RBKS: variants seen among roughly 807,000 people sequenced by gnomAD.
The protein encoded by RBKS is ribokinase.
Under a neutral mutation model 33.9 loss-of-function variants are expected in RBKS, and 33 were observed. The ratio of observed to expected loss-of-function variants is 0.97; its 90% CI spans 0.74 to 1.30. The LOEUF is 1.30. RBKS is among the 50% of genes most tolerant of loss of function. The pLI is 0.00. For synonymous variants in RBKS, 125 were observed against 143.0 expected, an observed-to-expected ratio of 0.87 and a Z score of 0.90; for missense variants, 361 against 392.6, an observed-to-expected ratio of 0.92 and a Z score of 0.68.
chr2:27,836,374 C>G (rs140513202), intron 5 of RBKS, among the ~76,000 whole-genome samples: 1 of 151,994 alleles, frequency 6.6e-6, no homozygotes, highest in South Asian at 2.1e-4. Flanking sequence ...TGGCCATGTG[C>G]GACAAAAACA....
intron 7 of RBKS, among the ~76,000 whole-genome samples, chr2:27,825,712 C>T (rs767375962): frequency 1.3e-5 from 2 of 152,236 alleles, no homozygotes; most frequent in Admixed American, 1.3e-4. Context: ...AGTGACCTGA[C>T]TTGCCTGGAT....
At chr2:27,855,493 A>G (rs985483317) in intron 2 of RBKS, among the ~76,000 whole-genome samples, 6 of 152,202 alleles carry the variant, frequency 3.9e-5, no homozygotes, top group Non-Finnish European at 7.3e-5. Context: ...CCTCTTCTTA[A>G]CATTTGGCTT....
At chr2:27,833,159 C>T (rs1678456155) in intron 5 of RBKS, among the ~76,000 whole-genome samples, 1 of 152,064 alleles carries the variant, frequency 6.6e-6, no homozygotes, top group Admixed American at 6.6e-5. Context: ...ACTTTAAGTG[C>T]TTGGTTTCAA....
chr2:27,843,116 T>A lies in RBKS; in HGVS notation c.465A>T (p.Ile155=), dbSNP rs138100405. ...GGGCTTCCAAAGAAGTTGCTGGAGT[T>A]ATTTCGAGCTGGCAGACCATGACTT... ...RAKVMVCQLE[I]TPATSLEALT... Residue 155 remains isoleucine, a synonymous_variant, in exon 5 of 8, where the codon ATA becomes ATT. Transcript: ENST00000302188. 1.7e-4 allele frequency: 270 copies of A among 1,611,012 alleles called. No individual in the cohort carries two copies. The African/African-American group carries it at 3.3e-3, about 20-fold the overall frequency.
intron 5 of RBKS, 60 bp from the exon 6 acceptor site, chr2:27,832,837 C>T (rs928437569): frequency 3.7e-6 from 4 of 1,088,010 alleles, no homozygotes; most frequent in Middle Eastern, 2.0e-4. Flanking sequence ...GGTGCATTTA[C>T]AGACAACATT....
At chr2:27,875,017 T>C (rs1664284575) in intron 1 of RBKS, among the ~76,000 whole-genome samples, 1 of 152,152 alleles carries the variant, frequency 6.6e-6, no homozygotes, top group African/African-American at 2.4e-5. Flanking sequence ...AACAGAAAAA[T>C]GGACAAAGGA....
At chr2:27,862,254 T>C (rs1446843393) in intron 1 of RBKS, among the ~76,000 whole-genome samples, 2 of 152,124 alleles carry the variant, frequency 1.3e-5, no homozygotes, top group African/African-American at 4.8e-5. Flanking sequence ...CTGGCTGATT[T>C]ATGTTATTTA....
chr2:27,834,668 A>G (rs1224406998), intron 5 of RBKS, among the ~76,000 whole-genome samples: 1 of 152,184 alleles, frequency 6.6e-6, no homozygotes, highest in Admixed American at 6.5e-5. Context: ...AGGTTTTCAG[A>G]ACAATATACT....
intron 2 of RBKS, among the ~76,000 whole-genome samples, chr2:27,854,513 A>C (rs1663812940): frequency 6.6e-6 from 1 of 152,214 alleles, no homozygotes; most frequent in Non-Finnish European, 1.5e-5. Flanking sequence ...TTAGCACAAG[A>C]CACTCCTACT....
At chr2:27,787,570 G>A (rs985845815) in intron 7 of RBKS, among the ~76,000 whole-genome samples, 3 of 152,184 alleles carry the variant, frequency 2.0e-5, no homozygotes, top group Non-Finnish European at 4.4e-5. Flanking sequence ...TACACACTGT[G>A]TTGATAGGGA....
At chr2:27,875,181 C>T (rs138417828) in intron 1 of RBKS, among the ~76,000 whole-genome samples, 3 of 152,288 alleles carry the variant, frequency 2.0e-5, no homozygotes, top group African/African-American at 7.2e-5. Flanking sequence ...CTTTTTCATA[C>T]ACTGTGAGTA....
At chr2:27,782,218 G>C (rs1254371583) in intron 7 of RBKS, among the ~76,000 whole-genome samples, 3 of 151,898 alleles carry the variant, frequency 2.0e-5, no homozygotes, top group Non-Finnish European at 4.4e-5. Flanking sequence ...CTGAAGTGCA[G>C]TGGCACAATC....
intron 1 of RBKS, among the ~76,000 whole-genome samples, chr2:27,878,177 C>T (rs1338170090): frequency 1.3e-5 from 2 of 151,702 alleles, no homozygotes; most frequent in Non-Finnish European, 2.9e-5. Context: ...GCTATCCCTC[C>T]CCCCTGCCCC....
At chr2:27,820,494 A>G (rs1573047377) in intron 7 of RBKS, among the ~76,000 whole-genome samples, 1 of 152,088 alleles carries the variant, frequency 6.6e-6, no homozygotes, top group South Asian at 2.1e-4. Flanking sequence ...TCTTGTACAA[A>G]TATTTGTGTA....
intron 5 of RBKS, among the ~76,000 whole-genome samples, chr2:27,835,584 AT>A (rs34787188): frequency 0.026 from 3,247 of 125,540 alleles, 91 homozygotes; most frequent in African/African-American, 0.07. Context: ...TGCTTGGGCA[AT>A]TTTTTTTTTT....
At chr2:27,822,420 A>C (rs1678229972) in intron 7 of RBKS, among the ~76,000 whole-genome samples, 1 of 152,190 alleles carries the variant, frequency 6.6e-6, no homozygotes, top group African/African-American at 2.4e-5. Flanking sequence ...TTGAACTGTC[A>C]GTCTGGATAG....
chr2:27,875,889 TGG>T (rs1427184114), intron 1 of RBKS, among the ~76,000 whole-genome samples: 4 of 151,938 alleles, frequency 2.6e-5, no homozygotes, highest in Non-Finnish European at 5.9e-5. Flanking sequence ...TACATACATA[TGG>T]GGATGCAAAA....
At chr2:27,880,384 A>T (rs1664393918) in intron 1 of RBKS, among the ~76,000 whole-genome samples, 1 of 151,954 alleles carries the variant, frequency 6.6e-6, no homozygotes, top group South Asian at 2.1e-4. Flanking sequence ...GCCTCCTCTC[A>T]CCACTCCTAT....
chr2:27,851,841 C>T (rs1663752307), intron 2 of RBKS, among the ~76,000 whole-genome samples: 1 of 152,116 alleles, frequency 6.6e-6, no homozygotes, highest in African/African-American at 2.4e-5. Flanking sequence ...ACCCGGCTGT[C>T]ATGTTCCATT....
Sources: allele counts gnomAD v4.1 joint callset (sites outside exome capture counted in the v4.1 genomes callset), GRCh38; gene constraint gnomAD v4.1.1; transcripts MANE v1.5; gene names NCBI Gene and HGNC (gene_info 2026-07-23, HGNC 2026-07-21).